Variants in ZNF41 observed in about 807,000 individuals in gnomAD.
ZNF41 encodes zinc finger protein 41.
In ZNF41, 6 loss-of-function variants were observed where a neutral mutation model predicts 9.3. The ratio of observed to expected loss-of-function variants is 0.65; its 90% CI spans 0.35 to 1.28. The LOEUF (loss-of-function observed/expected upper bound fraction) is 1.28, where lower values mean the gene tolerates loss of function less well. Among genes scored for constraint, ZNF41 ranks in the 50% most tolerant of loss-of-function variants. The pLI is 0.03. For synonymous variants in ZNF41, 192 were observed against 207.1 expected (o/e 0.93, Z 0.63); for missense variants, 523 against 585.8 (o/e 0.89, Z 1.11).
chrX:47,447,936 A>C lies in ZNF41; in HGVS notation c.1834T>G (p.Cys612Gly). ...TGEKPYVCPE[C>G]GKAFIQKSHF... ...GATTTCTGGATAAAGGCCTTCCCGCATTCAGGACAAACGTACGGTTTCTCT... is the reference window on the plus strand; with the variant it reads ...GATTTCTGGATAAAGGCCTTCCCGCCTTCAGGACAAACGTACGGTTTCTCT... Residue 612 changes from cysteine (C) to glycine (G), a missense_variant, in exon 5 of 5, where the codon TGC (cysteine) becomes GGC (glycine). By Grantham distance (159) the Cys-to-Gly change is radical. Transcript: ENST00000684689. 1.7e-6 allele frequency: 2 copies of C among 1,211,846 alleles called. No homozygotes were observed. Among genetic ancestry groups the C allele is most frequent in the Non-Finnish European group, 2.2e-6 (2 of 895,582 alleles).
chrX:47,447,288 C>T lies in ZNF41; in HGVS notation c.*142G>A, dbSNP rs1422486792. On this transcript the variant is annotated 3_prime_UTR_variant, in exon 5 of 5. Coordinates refer to ENST00000684689, the MANE Select transcript of ZNF41 (RefSeq NM_001324144.2). ...TTCCAGTGGACTGAAGGATACTTGG[C>T]TCTGTTTGCCTTCAGTTCACTCAAG... is the stretch of plus-strand genomic sequence containing the variant. 2 of 784,290 alleles carry T rather than the reference C, an allele frequency of 2.6e-6. No homozygotes were observed. The highest frequency in any genetic ancestry group is 6.4e-5 in the East Asian group (2 of 31,485). The allele number at this position is 784,290 out of a possible 1,213,427, so 64.6% of individuals were successfully genotyped here.
At chrX:47,463,722 C>T (rs1209680382) in intron 2 of ZNF41, among the ~76,000 whole-genome samples, 4 of 111,461 alleles carry the variant, frequency 3.6e-5, no homozygotes, top group African/African-American at 1.3e-4. Flanking sequence ...GCCTCAGTGA[C>T]TGTTCCTTGC....
intron 4 of ZNF41, among the ~76,000 whole-genome samples, chrX:47,452,423 A>G (rs372274714): frequency 5.5e-4 from 60 of 109,722 alleles, no homozygotes; most frequent in East Asian, 4.0e-3. Context: ...CTGGAATCCT[A>G]GAGGGCAGGT....
rs754275138 is a variant in ZNF41 at position 47,448,579 on chromosome X, G to T, written c.1191C>A (p.Asp397Glu). ...TATGAGTTTTCTGATGTATACTGAGGTCTGAGTTCTGGGAGAAGCCTTTTC... is the reference window on the plus strand; with the variant it reads ...TATGAGTTTTCTGATGTATACTGAGTTCTGAGTTCTGGGAGAAGCCTTTTC... ...ECGKGFSQNS[D>E]LSIHQKTHTG... The change falls in exon 5 of 5, where the codon GAC (aspartate) becomes GAA (glutamate). Residue 397 changes from aspartate to glutamate, a missense_variant. Asp to Glu is a conservative substitution (Grantham distance 45). Coordinates refer to ENST00000684689, the MANE Select transcript of ZNF41 (RefSeq NM_001324144.2). 146 of 1,209,789 alleles carry T rather than the reference G, an allele frequency of 1.2e-4. No individual in the cohort carries two copies. The highest frequency in any genetic ancestry group is 2.1e-4 in the South Asian group (12 of 56,832).
At position 47,447,646 on chromosome X, in the gene ZNF41, T is replaced by C; in HGVS notation, c.2124A>G (p.Ile708Met). 2.5e-6 allele frequency: 3 copies of C among 1,211,899 alleles called. No homozygotes were observed. The highest frequency in any genetic ancestry group is 3.3e-6 in the Non-Finnish European group (3 of 895,529). The change falls in exon 5 of 5, where the codon ATA becomes ATG. Residue 708 changes from isoleucine (I) to methionine (M), a missense_variant. Transcript: ENST00000684689. ...KTFTWKSRLN[I>M]HQKSHTGERH... Reference sequence around the variant, plus strand: ...TTTCTCCAGTATGAGACTTCTGATGTATATTGAGGCGTGACTTCCAGGTGA... The same window carrying C: ...TTTCTCCAGTATGAGACTTCTGATGCATATTGAGGCGTGACTTCCAGGTGA...
rs199852718 is a variant in ZNF41, at chrX:47,449,522, A to G, written c.296-48T>C. ...GAAAACGACACAAAGAACAATCAGCAGAGGCTAGAGGGGACATGTAGTTCA... is the reference window on the plus strand; with the variant it reads ...GAAAACGACACAAAGAACAATCAGCGGAGGCTAGAGGGGACATGTAGTTCA... On this transcript the variant is annotated intron_variant, in intron 4 of 4. Coordinates refer to ENST00000684689, the MANE Select transcript of ZNF41 (RefSeq NM_001324144.2). 34 of 1,164,833 alleles carry G rather than the reference A, an allele frequency of 2.9e-5. No individual in the cohort carries two copies. In the Admixed American group the frequency reaches 4.7e-4, roughly 16 times the overall value.
At chrX:47,456,648 T>C (rs184208185) in intron 2 of ZNF41, among the ~76,000 whole-genome samples, 33 of 112,358 alleles carry the variant, frequency 2.9e-4, no homozygotes, top group African/African-American at 1.0e-3. Context: ...ATGGGCTCTC[T>C]TTAAGTCCTC....
rs12381579 is a variant in ZNF41 at position 47,462,948 on chromosome X, C to T, written c.72+4462G>A. ...TATATCACACACATATATATATATA[C>T]ACACACACACACACACACATATGTG... On this transcript the variant is annotated intron_variant, in intron 2 of 4. Transcript: ENST00000684689. Among the ~76,000 whole-genome samples the T allele has an allele frequency of 7.1e-4, 45 of 63,638 alleles. 1 individual carries two copies. The highest frequency in any genetic ancestry group is 7.2e-3 in the Middle Eastern group (1 of 139). The allele number at this position is 63,638 out of a possible 115,157, so 55.3% of individuals were successfully genotyped here.
Position 47,446,348 on chromosome X carries a change from A to G in ZNF41, c.*1082T>C, listed in dbSNP as rs1310769168. ...TTGCAATGCAACATGACTTTATCACATAGCAGTCTACACAAAACTACCCTT... is the reference window on the plus strand; with the variant it reads ...TTGCAATGCAACATGACTTTATCACGTAGCAGTCTACACAAAACTACCCTT... On this transcript the variant is annotated 3_prime_UTR_variant, in exon 5 of 5. Transcript: ENST00000684689. The G allele has an allele frequency of 9.0e-6, 1 of 111,662 alleles. No homozygotes were observed. The highest frequency in any genetic ancestry group is 1.9e-5 in the Non-Finnish European group (1 of 53,183). 9.2% of individuals were successfully genotyped at this position (111,662 alleles called of 1,213,427 possible).
intron 2 of ZNF41, among the ~76,000 whole-genome samples, chrX:47,464,990 A>G (rs1451303783): frequency 1.8e-5 from 2 of 111,526 alleles, no homozygotes; most frequent in Non-Finnish European, 3.8e-5. Flanking sequence ...GGCTCAAATG[A>G]TTCTCCAACC....
chrX:47,467,523 C>T lies in ZNF41; in HGVS notation c.-42G>A, dbSNP rs199983184. On this transcript the variant is annotated 5_prime_UTR_variant, in exon 2 of 5. Coordinates refer to ENST00000684689, the MANE Select transcript of ZNF41 (RefSeq NM_001324144.2). Reference sequence around the variant, plus strand: ...AGCCCTCAGGCTCTCCTGCTGACAACCCCACTCTTCCCCAAGCTGGAAGCT... The same window carrying T: ...AGCCCTCAGGCTCTCCTGCTGACAATCCCACTCTTCCCCAAGCTGGAAGCT... 1.4e-3 allele frequency: 1,674 copies of T among 1,160,578 alleles called. 2 individuals carry two copies. Among genetic ancestry groups the T allele is most frequent in the Non-Finnish European group, 1.7e-3 (1,461 of 867,465 alleles).
Position 47,456,272 on chromosome X carries a change from C to T in ZNF41, c.199G>A (p.Gly67Arg), listed in dbSNP as rs1342651810. ...LENYSHLLSVGYQIPKSEAAF... is the reference protein window; with the variant it reads ...LENYSHLLSVRYQIPKSEAAF... ...AGATGCATAGGGCGGCCGTGCTTAC[C>T]CACTGAGAGCAGGTGGCTGTAGTTC... Residue 67 changes from glycine (G) to arginine (R), a missense_variant and splice_region_variant, in exon 3 of 5, where the codon GGG (glycine) becomes AGG (arginine). By Grantham distance (125) the Gly-to-Arg change is moderately radical. Coordinates refer to ENST00000684689, the MANE Select transcript of ZNF41 (RefSeq NM_001324144.2). The T allele has an allele frequency of 1.7e-6, 2 of 1,209,146 alleles. No individual in the cohort carries two copies. The highest frequency in any genetic ancestry group is 2.2e-6 in the Non-Finnish European group (2 of 895,063).
intron 2 of ZNF41, among the ~76,000 whole-genome samples, chrX:47,458,530 A>G (rs1222291182): frequency 2.7e-5 from 3 of 112,178 alleles, no homozygotes; most frequent in Non-Finnish European, 5.6e-5. Flanking sequence ...AAATCAATAC[A>G]TTCAATGCCA....
intron 1 of ZNF41, among the ~76,000 whole-genome samples, chrX:47,478,453 G>A (rs1478083655): frequency 2.7e-5 from 3 of 110,248 alleles, no homozygotes; most frequent in Non-Finnish European, 5.7e-5. Flanking sequence ...GTTGCAGTGA[G>A]CCGAGATCAT....
intron 2 of ZNF41, among the ~76,000 whole-genome samples, chrX:47,462,926 A>C (rs1252729658): frequency 1.1e-5 from 1 of 92,972 alleles, no homozygotes; most frequent in Non-Finnish European, 2.2e-5. Flanking sequence ...ATATATATAT[A>C]TCACACACAT....
At chrX:47,467,256 C>T in intron 2 of ZNF41, 154 bp downstream of exon 2, 1 of 1,130,312 alleles carries the variant, frequency 8.8e-7, no homozygotes, top group Non-Finnish European at 1.2e-6. Flanking sequence ...GGTGCTCACT[C>T]TCAGCAAGAG....
rs758443040 is a variant in ZNF41 at position 47,448,875 on chromosome X, G to A, written c.895C>T (p.Arg299Cys). 3.1e-5 allele frequency: 37 copies of A among 1,209,283 alleles called. No homozygotes were observed. The East Asian group carries it at 7.1e-4, about 23-fold the overall frequency. Residue 299 changes from arginine to cysteine, a missense_variant, in exon 5 of 5, where the codon CGT (arginine) becomes TGT (cysteine). Arg to Cys is a radical substitution (Grantham distance 180). Coordinates refer to ENST00000684689, the MANE Select transcript of ZNF41 (RefSeq NM_001324144.2). Reference sequence around the variant, plus strand: ...ACTTTGTTGCTTTTGTCACATTCACGGGACTTTTCTCCAGCATGAATTCTC... The same window carrying A: ...ACTTTGTTGCTTTTGTCACATTCACAGGACTTTTCTCCAGCATGAATTCTC... Reference protein sequence around the residue: ...HQRIHAGEKSRECDKSNKVFP... With the variant: ...HQRIHAGEKSCECDKSNKVFP...
At chrX:47,471,480 C>T (rs2057193475) in intron 1 of ZNF41, among the ~76,000 whole-genome samples, 1 of 109,905 alleles carries the variant, frequency 9.1e-6, no homozygotes, top group Admixed American at 9.8e-5. Context: ...AAAAGACTAT[C>T]CTTTCTCCAC....
intron 1 of ZNF41, among the ~76,000 whole-genome samples, chrX:47,480,785 A>C (rs2057450519): frequency 9.4e-6 from 1 of 105,964 alleles, no homozygotes; most frequent in African/African-American, 3.4e-5. Context: ...AGGAAAACGC[A>C]CATCAAGGCA....
Sources: allele counts gnomAD v4.1 joint callset (sites outside exome capture counted in the v4.1 genomes callset), GRCh38; gene constraint gnomAD v4.1.1; transcripts MANE v1.5; gene names NCBI Gene and HGNC (gene_info 2026-07-23, HGNC 2026-07-21).